Variants in ZKSCAN1 observed in about 807,000 individuals in gnomAD.
ZKSCAN1 encodes the protein zinc finger with KRAB and SCAN domains 1.
In ZKSCAN1, 14 loss-of-function variants were observed where a neutral mutation model predicts 51.6. The observed-to-expected ratio is 0.27, with a 90% CI of 0.18 to 0.42. ZKSCAN1 has a LOEUF of 0.42. ZKSCAN1 is among the 10% of genes least tolerant of loss of function. ZKSCAN1 has a pLI of 1.00. For missense variants in ZKSCAN1, 531 were observed against 710.0 expected (o/e 0.75, Z 2.86); for synonymous variants, 263 against 261.5 (o/e 1.01, Z -0.06).
downstream of ZKSCAN1, among the ~76,000 whole-genome samples, chr7:100,044,449 C>T (rs991778629): frequency 5.9e-5 from 9 of 151,878 alleles, no homozygotes; most frequent in South Asian, 2.1e-4. Context: ...AGGCGGATCA[C>T]GAGGTCGGGA....
intron 5 of ZKSCAN1, among the ~76,000 whole-genome samples, chr7:100,032,341 T>A (rs1010280287): frequency 3.3e-5 from 5 of 152,170 alleles, no homozygotes; most frequent in Non-Finnish European, 5.9e-5. Context: ...CTGCTTCTCA[T>A]CCCTTCCCTT....
At chr7:100,045,286 G>T (rs1050023690), downstream of ZKSCAN1, among the ~76,000 whole-genome samples, 1 of 151,780 alleles carries the variant, frequency 6.6e-6, no homozygotes, top group African/African-American at 2.4e-5. Flanking sequence ...GGTGGCTCAC[G>T]CCTGTAATCC....
intron 1 of ZKSCAN1, among the ~76,000 whole-genome samples, chr7:100,017,325 C>T (rs1235336424): frequency 6.6e-6 from 1 of 152,068 alleles, no homozygotes; most frequent in Non-Finnish European, 1.5e-5. Flanking sequence ...CGAGTTCAAG[C>T]GATCCTCCTG....
At chr7:100,028,004 T>C (rs1045061018) in intron 3 of ZKSCAN1, among the ~76,000 whole-genome samples, 3 of 152,236 alleles carry the variant, frequency 2.0e-5, no homozygotes, top group Non-Finnish European at 4.4e-5. Context: ...TTATTCTCAA[T>C]TTCCTCTTTC....
chr7:100,037,321 A>G lies in ZKSCAN1; in HGVS notation c.*3124A>G, dbSNP rs1275609376. The G allele has an allele frequency of 1.0e-5, 10 of 985,312 alleles. No individual in the cohort carries two copies. Among genetic ancestry groups the G allele is most frequent in the Non-Finnish European group, 1.2e-5 (10 of 829,932 alleles). 61.0% of individuals were successfully genotyped at this position (985,312 alleles called of 1,614,324 possible). A position where few individuals can be genotyped will look rare whatever the true frequency, so the allele number is the denominator to read the frequency against. ...TACCCTTGCCAGGAAGAGAAGTAAA[A>G]TCCTCAGGTTGTGGGGTATTTGTTT... On this transcript the variant is annotated 3_prime_UTR_variant, in exon 6 of 6. Transcript: ENST00000324306.
At chr7:100,024,559 TC>T (rs1252026786) in intron 3 of ZKSCAN1, 1 of 444,724 alleles carries the variant, frequency 2.2e-6, no homozygotes, top group African/African-American at 2.0e-5. Flanking sequence ...ATGCCACTAC[TC>T]CAACCTGGGC....
At position 100,034,507 on chromosome 7, in the gene ZKSCAN1, C is replaced by G. The variant is rs1791264163; in HGVS notation, c.*310C>G. ...GTAATGAGGATACCTTTAAGGCACT[C>G]TTGGACTCTCGGCAACCACAACATA... is the stretch of plus-strand genomic sequence containing the variant. On this transcript the variant is annotated 3_prime_UTR_variant, in exon 6 of 6. Transcript: ENST00000324306. 9.4e-7 allele frequency: 1 copy of G among 1,068,886 alleles called. No individual in the cohort carries two copies. The highest frequency in any genetic ancestry group is 6.4e-5 in the East Asian group (1 of 15,536). The allele number at this position is 1,068,886 out of a possible 1,614,324, so 66.2% of individuals were successfully genotyped here. A position where few individuals can be genotyped will look rare whatever the true frequency, so the allele number is the denominator to read the frequency against.
chr7:100,041,633 T>C lies in ZKSCAN1; in HGVS notation c.*7436T>C. On this transcript the variant is annotated 3_prime_UTR_variant, in exon 6 of 6. Coordinates refer to ENST00000324306, the MANE Select transcript of ZKSCAN1 (RefSeq NM_003439.4). Reference sequence around the variant, plus strand: ...TTGTGGGGATTTGAAATATTCTCTTTATGTTGTTTCTCTTCTGAGTCATGG... The same window carrying C: ...TTGTGGGGATTTGAAATATTCTCTTCATGTTGTTTCTCTTCTGAGTCATGG... The C allele has an allele frequency of 1.0e-6, 1 of 985,422 alleles. No homozygotes were observed. Among genetic ancestry groups the C allele is most frequent in the Non-Finnish European group, 1.2e-6 (1 of 829,900 alleles). 61.0% of individuals were successfully genotyped at this position (985,422 alleles called of 1,614,324 possible).
At chr7:100,032,996 A>C (rs1791178315) in intron 5 of ZKSCAN1, among the ~76,000 whole-genome samples, 2 of 149,728 alleles carry the variant, frequency 1.3e-5, no homozygotes. Context: ...TAACAGAGCA[A>C]GACTCCATCT....
chr7:100,042,740 G>C (rs753297923), downstream of ZKSCAN1, among the ~76,000 whole-genome samples: 3 of 131,124 alleles, frequency 2.3e-5, no homozygotes, highest in Non-Finnish European at 5.2e-5. Flanking sequence ...AGATACACGT[G>C]TGTGTGTGTG....
In ZKSCAN1 at chr7:100,033,214, C is replaced by A; in HGVS notation, c.800-91C>A. On this transcript the variant is annotated intron_variant, in intron 5 of 5. Transcript: ENST00000324306. The surrounding 1 kb of genome is among the most constrained non-coding windows in gnomAD (Gnocchi z 4.1). ...AAATATTGCAAAGTCATTTTGCAGC[C>A]GTGTAGAAGCTTCTCGGGAAACTGT... is the stretch of plus-strand genomic sequence containing the variant. 1.4e-6 allele frequency: 2 copies of A among 1,466,776 alleles called. No individual in the cohort carries two copies. The highest frequency in any genetic ancestry group is 1.5e-5 in the South Asian group (1 of 66,858). The allele number at this position is 1,466,776 out of a possible 1,614,324, so 90.9% of individuals were successfully genotyped here.
rs539244669 is a variant in ZKSCAN1 at position 100,016,752 on chromosome 7, T to C, written c.-89+1026T>C. The C allele has an allele frequency of 5.3e-5, 8 of 152,338 alleles. No individual in the cohort carries two copies. The South Asian group carries it at 1.7e-3, about 32-fold the overall frequency. The allele number at this position is 152,338 out of a possible 1,614,324, so 9.4% of individuals were successfully genotyped here. A position where few individuals can be genotyped will look rare whatever the true frequency, so the allele number is the denominator to read the frequency against. On this transcript the variant is annotated intron_variant, in intron 1 of 5. Transcript: ENST00000324306. Reference sequence around the variant, plus strand: ...GCCTGGGACCAAAGAAAGCATTTATTGTACGGGCCAGTGCTAGGCGGATTG... The same window carrying C: ...GCCTGGGACCAAAGAAAGCATTTATCGTACGGGCCAGTGCTAGGCGGATTG...
intron 3 of ZKSCAN1, among the ~76,000 whole-genome samples, chr7:100,027,035 G>A (rs1457283269): frequency 1.3e-5 from 2 of 152,080 alleles, no homozygotes; most frequent in African/African-American, 2.4e-5. Context: ...AGTGGCCCAC[G>A]CCTCTAATCC....
downstream of ZKSCAN1, among the ~76,000 whole-genome samples, chr7:100,043,268 T>C (rs575120563): frequency 6.6e-6 from 1 of 150,642 alleles, no homozygotes; most frequent in East Asian, 2.0e-4. Flanking sequence ...GGTCCCCCTA[T>C]GTTGCCCAGG....
rs764079078 is a variant in ZKSCAN1 at position 100,038,864 on chromosome 7, G to T, written c.*4667G>T. ...CAAAAAAATAGCTGGGCGTGGTGGC[G>T]GGCGCCTGTAGTCCCAGCTACTCAG... On this transcript the variant is annotated 3_prime_UTR_variant, in exon 6 of 6. Coordinates refer to ENST00000324306, the MANE Select transcript of ZKSCAN1 (RefSeq NM_003439.4). The T allele has an allele frequency of 2.9e-4, 120 of 414,944 alleles. No homozygotes were observed. Among genetic ancestry groups the T allele is most frequent in the Non-Finnish European group, 3.7e-4 (113 of 309,066 alleles). The allele number at this position is 414,944 out of a possible 1,614,324, so 25.7% of individuals were successfully genotyped here.
chr7:100,039,319 AAAAAAAAAG>A lies in ZKSCAN1; in HGVS notation c.*5126_*5134del, dbSNP rs1249442139. The stretch of plus-strand genomic sequence containing the variant: ...AGAGACTCTGTCTCAAAAAAAGAAA[AAAAAAAAAG>A]AAAGAAAGAAAGAAAATTGGGGATA... On this transcript the variant is annotated 3_prime_UTR_variant, in exon 6 of 6. Coordinates refer to ENST00000324306, the MANE Select transcript of ZKSCAN1 (RefSeq NM_003439.4). 6.2e-5 allele frequency: 54 copies of A among 876,284 alleles called. No homozygotes were observed. Among genetic ancestry groups the A allele is most frequent in the Non-Finnish European group, 7.1e-5 (52 of 735,464 alleles). The allele number at this position is 876,284 out of a possible 1,614,324, so 54.3% of individuals were successfully genotyped here. A position where few individuals can be genotyped will look rare whatever the true frequency, so the allele number is the denominator to read the frequency against.
At chr7:100,017,261 C>T (rs976922333) in intron 1 of ZKSCAN1, among the ~76,000 whole-genome samples, 1 of 151,728 alleles carries the variant, frequency 6.6e-6, no homozygotes, top group Non-Finnish European at 1.5e-5. Context: ...CTTGCTCTGT[C>T]GCCCAGGCTG....
At position 100,039,429 on chromosome 7, in the gene ZKSCAN1, G is replaced by C; in HGVS notation, c.*5232G>C. ...TCGTGGCATTGCAAGAAGTCTGTCT[G>C]ATGAAGCTCGGGAAGCATTTTGCAA... On this transcript the variant is annotated 3_prime_UTR_variant, in exon 6 of 6. Coordinates refer to ENST00000324306, the MANE Select transcript of ZKSCAN1 (RefSeq NM_003439.4). 2.0e-6 allele frequency: 2 copies of C among 985,434 alleles called. No individual in the cohort carries two copies. The highest frequency in any genetic ancestry group is 2.4e-6 in the Non-Finnish European group (2 of 829,938). 61.0% of individuals were successfully genotyped at this position (985,434 alleles called of 1,614,324 possible). A position where few individuals can be genotyped will look rare whatever the true frequency, so the allele number is the denominator to read the frequency against.
rs1373538898 is a variant in ZKSCAN1 at position 100,034,228 on chromosome 7, C to G, written c.*31C>G. 1.3e-6 allele frequency: 2 copies of G among 1,498,048 alleles called. No individual in the cohort carries two copies. The highest frequency in any genetic ancestry group is 2.8e-5 in the African/African-American group (2 of 71,582). The allele number at this position is 1,498,048 out of a possible 1,614,324, so 92.8% of individuals were successfully genotyped here. Reference sequence around the variant, plus strand: ...GAATTTGCCATCAAGCCATTTCCCCCTTTTGTTTCTAAAATTATTTCAGAG... The same window carrying G: ...GAATTTGCCATCAAGCCATTTCCCCGTTTTGTTTCTAAAATTATTTCAGAG... On this transcript the variant is annotated 3_prime_UTR_variant, in exon 6 of 6. Transcript: ENST00000324306.
Sources: gnomAD v4.1 joint callset for allele counts (sites outside exome capture counted in the v4.1 genomes callset) on GRCh38, gnomAD v4.1.1 for gene constraint, Gnocchi (gnomAD v3.1) non-coding constraint, MANE v1.5 for transcripts, NCBI Gene and HGNC (gene_info 2026-07-23, HGNC 2026-07-21) for gene names.